The following OAT variants were observed in gnomAD, a reference collection of about 807,000 sequenced individuals.
OAT encodes the protein ornithine aminotransferase, also known as ornithine aminotransferase, mitochondrial.
OAT carries 35 observed loss-of-function variants against 48.4 expected under a neutral mutation model. The ratio of observed to expected loss-of-function variants is 0.72; its 90% confidence interval spans 0.55 to 0.96. OAT has a LOEUF of 0.96. Ranked by LOEUF, OAT falls within the 40% of genes least tolerant of loss-of-function variation. The pLI is 0.00. For synonymous variants in OAT, 182 were observed against 198.4 expected (o/e 0.92, Z 0.70); for missense variants, 438 against 537.9 (o/e 0.81, Z 1.84).
chr10:124,403,758 C>T (rs746530657), intron 6 of OAT, 40 bp downstream of exon 6: 11 of 1,613,466 alleles, frequency 6.8e-6, no homozygotes, highest in Non-Finnish European at 9.3e-6. Flanking sequence ...AAACAGCTAA[C>T]TCGACATTCA....
rs1951391299 is a variant in OAT at position 124,400,965 on chromosome 10, A to G, written c.1034T>C (p.Leu345Pro). The change falls in exon 9 of 10, where the codon CTT becomes CCT. Residue 345 changes from leucine to proline, a missense_variant. Leu to Pro is a moderately conservative substitution (Grantham distance 98). Coordinates refer to ENST00000368845, the MANE Select transcript of OAT (RefSeq NM_000274.4). ...GCCCAATTTGTCTGCATTTTCAGCA[A>G]GGTTTTCTTCTTCTAAAACCTACGT... Reference protein sequence around the residue: ...AALEVLEEENLAENADKLGII... With the variant: ...AALEVLEEENPAENADKLGII... 6.2e-7 allele frequency: 1 copy of G among 1,611,718 alleles called. No homozygotes were observed. The highest frequency in any genetic ancestry group is 8.5e-7 in the Non-Finnish European group (1 of 1,178,728).
At chr10:124,406,928 A>G in intron 4 of OAT, 3 of 980,902 alleles carry the variant, frequency 3.1e-6, no homozygotes, top group Non-Finnish European at 3.6e-6. Context: ...CAAGTGAGCT[A>G]GATAATTTCA....
intron 4 of OAT, among the ~76,000 whole-genome samples, chr10:124,408,332 TATATATATA>T (rs1951650573): frequency 1.1e-5 from 1 of 93,032 alleles, no homozygotes; most frequent in African/African-American, 4.4e-5. Flanking sequence ...TATATATATA[TATATATATA>T]TATTTTTTTT....
Position 124,408,751 on chromosome 10 carries a change from A to C in OAT, c.414T>G (p.Pro138=), listed in dbSNP as rs1366734715. The C allele has an allele frequency of 1.9e-6, 3 of 1,604,958 alleles. No homozygotes were observed. Among genetic ancestry groups the C allele is most frequent in the Non-Finnish European group, 2.6e-6 (3 of 1,172,620 alleles). The change falls in exon 3 of 10, where the codon CCT becomes CCG. Residue 138 remains proline, a synonymous_variant. Coordinates refer to ENST00000368845, the MANE Select transcript of OAT (RefSeq NM_000274.4). ...TKLFNYHKVL[P]MNTGVEAGET... ...AAGGAAATGTTTTACCTGTATTCAT[A>C]GGAAGAACTTTGTGGTAGTTGAAAA...
At position 124,405,314 on chromosome 10, in the gene OAT, C is replaced by T. The variant is rs1037449083; in HGVS notation, c.648+122G>A. On this transcript the variant is annotated intron_variant, in intron 5 of 9. Transcript: ENST00000368845. ...TCGCTACTGAGAACAAGTCTGAAATCGTGGCTTAACTTAAGTGAGATAAAT... is the reference window on the plus strand; with the variant it reads ...TCGCTACTGAGAACAAGTCTGAAATTGTGGCTTAACTTAAGTGAGATAAAT... 1.6e-5 allele frequency: 22 copies of T among 1,414,120 alleles called. No homozygotes were observed. The Admixed American group carries it at 1.6e-4, about 10-fold the overall frequency. The allele number at this position is 1,414,120 out of a possible 1,614,324, so 87.6% of individuals were successfully genotyped here.
chr10:124,404,724 C>G (rs1385761851), intron 5 of OAT, among the ~76,000 whole-genome samples: 1 of 152,204 alleles, frequency 6.6e-6, no homozygotes, highest in Non-Finnish European at 1.5e-5. Context: ...CCATGCCCAG[C>G]CTGTTTTCTA....
At chr10:124,414,132 G>A (rs1042594533) in intron 1 of OAT, 1 of 151,706 alleles carries the variant, frequency 6.6e-6, no homozygotes, top group Non-Finnish European at 1.5e-5. Context: ...TAAAAGACTA[G>A]TTAATTCATG....
Position 124,409,407 on chromosome 10 carries a change from A to C in OAT, c.200-442T>G, listed in dbSNP as rs146193864. On this transcript the variant is annotated intron_variant, in intron 2 of 9. Transcript: ENST00000368845. ...GCAAAATCCCTGACGCTACAGAAAA[A>C]TGCTGGGCATGGTAGTGCGCGCGTA... is the stretch of plus-strand genomic sequence containing the variant. Among the ~76,000 whole-genome samples the C allele has an allele frequency of 4.6e-5, 7 of 152,174 alleles. No individual in the cohort carries two copies. In the East Asian group the frequency reaches 1.4e-3, roughly 29 times the overall value.
chr10:124,404,928 C>T (rs1443862005), intron 5 of OAT, among the ~76,000 whole-genome samples: 2 of 152,104 alleles, frequency 1.3e-5, no homozygotes, highest in African/African-American at 4.8e-5. Flanking sequence ...CCTGTGGTTC[C>T]AGCTACTTGG....
intron 8 of OAT, 29 bp from the exon 9 acceptor site, chr10:124,401,013 T>G: frequency 6.4e-7 from 1 of 1,570,060 alleles, no homozygotes; most frequent in Non-Finnish European, 8.7e-7. Flanking sequence ...TATACAAATA[T>G]TAAGACTGTC....
chr10:124,411,687 A>AGG (rs1385756144), intron 2 of OAT, among the ~76,000 whole-genome samples: 4 of 151,892 alleles, frequency 2.6e-5, no homozygotes, highest in Admixed American at 2.0e-4. Context: ...GTGGTGGCGC[A>AGG]CGCCTGTAGT....
Position 124,403,091 on chromosome 10 carries a change from C to G in OAT, c.772-36G>C, listed in dbSNP as rs751782239. ...AAAAAAATACCCCTATTAGTGATCA[C>G]TTTCGTTTCCACAGGGAAAATAGCC... On this transcript the variant is annotated intron_variant, in intron 6 of 9. Transcript: ENST00000368845. The G allele has an allele frequency of 3.1e-6, 5 of 1,612,432 alleles. No individual in the cohort carries two copies. In the African/African-American group the frequency reaches 6.7e-5, roughly 22 times the overall value.
intron 5 of OAT, among the ~76,000 whole-genome samples, chr10:124,404,643 T>C (rs1951521119): frequency 6.6e-6 from 1 of 152,132 alleles, no homozygotes; most frequent in African/African-American, 2.4e-5. Flanking sequence ...CAGGCTGGTC[T>C]TGAACTCCTG....
At chr10:124,398,810 A>G (rs1951311795) in intron 9 of OAT, among the ~76,000 whole-genome samples, 1 of 151,944 alleles carries the variant, frequency 6.6e-6, no homozygotes, top group Admixed American at 6.6e-5. Context: ...AGGTCAAGAG[A>G]TCGAGACCAT....
At chr10:124,401,653 A>C in intron 8 of OAT, 73 bp downstream of exon 8, 4 of 946,790 alleles carry the variant, frequency 4.2e-6, no homozygotes, top group Non-Finnish European at 6.8e-6. Context: ...TTATTATACC[A>C]GTGGGCCCAA....
intron 4 of OAT, chr10:124,407,115 T>C (rs1258773348): frequency 2.0e-6 from 2 of 985,366 alleles, no homozygotes; most frequent in Non-Finnish European, 2.4e-6. Flanking sequence ...GCAAAGCCTC[T>C]TTCACCAGCA....
intron 9 of OAT, among the ~76,000 whole-genome samples, chr10:124,399,723 A>G (rs1461548665): frequency 1.3e-5 from 2 of 152,124 alleles, no homozygotes; most frequent in Non-Finnish European, 2.9e-5. Context: ...TCACAAGAAA[A>G]TCCAGCAAGG....
intron 1 of OAT, 47 bp from the exon 2 acceptor site, chr10:124,412,247 A>T (rs1358558245): frequency 3.4e-5 from 48 of 1,423,378 alleles, no homozygotes; most frequent in Non-Finnish European, 4.6e-5. Flanking sequence ...TCCTTGGCTT[A>T]TGCCTATAAT....
chr10:124,414,589 C>CTATTG (rs1951859219), intron 1 of OAT, among the ~76,000 whole-genome samples: 1 of 152,188 alleles, frequency 6.6e-6, no homozygotes, highest in Non-Finnish European at 1.5e-5. Flanking sequence ...GCAAAAATGT[C>CTATTG]TAACTGTACT....
Sources: allele counts gnomAD v4.1 joint callset (sites outside exome capture counted in the v4.1 genomes callset), GRCh38; gene constraint gnomAD v4.1.1; transcripts MANE v1.5; gene names NCBI Gene and HGNC (gene_info 2026-07-23, HGNC 2026-07-21).